The following TSNARE1 variants were observed in gnomAD, a reference collection of about 807,000 sequenced individuals.
TSNARE1 encodes the protein t-SNARE domain-containing protein 1.
In TSNARE1, 49 loss-of-function variants were observed where a neutral mutation model predicts 62.0. The ratio of observed to expected loss-of-function variants is 0.79; its 90% confidence interval spans 0.63 to 1.00. The LOEUF (loss-of-function observed/expected upper bound fraction) is 1.00. Ranked by LOEUF, TSNARE1 falls within the 50% of genes least tolerant of loss-of-function variation. TSNARE1 has a pLI of 0.00. For synonymous variants in TSNARE1, 328 were observed against 294.4 expected, an observed-to-expected ratio of 1.11 and a Z score of -1.17; for missense variants, 755 against 700.1, an observed-to-expected ratio of 1.08 and a Z score of -0.88.
chr8:142,313,414 CTGTG>C (rs376758279), intron 9 of TSNARE1, among the ~76,000 whole-genome samples: 2,907 of 147,748 alleles, frequency 0.02, 30 homozygotes, highest in East Asian at 0.041. Context: ...GTTTATGTGT[CTGTG>C]TGTTTATCTG....
At chr8:142,363,985 T>C (rs1835348994) in intron 1 of TSNARE1, among the ~76,000 whole-genome samples, 1 of 151,954 alleles carries the variant, frequency 6.6e-6, no homozygotes, top group African/African-American at 2.4e-5. Flanking sequence ...GGAAGAAGAG[T>C]CACCTGTACC....
chr8:142,290,320 C>T (rs918494637), intron 10 of TSNARE1, among the ~76,000 whole-genome samples: 1 of 152,188 alleles, frequency 6.6e-6, no homozygotes, highest in Non-Finnish European at 1.5e-5. Context: ...CCTGGCACGG[C>T]AGCCAGAGGG....
At chr8:142,274,037 G>T (rs574296487) in intron 12 of TSNARE1, 2 of 985,236 alleles carry the variant, frequency 2.0e-6, no homozygotes, top group South Asian at 9.4e-5. Flanking sequence ...TGGCCCAGGG[G>T]CTTCTTCTGC....
At chr8:142,402,561 G>A (rs1838373592) in intron 1 of TSNARE1, among the ~76,000 whole-genome samples, 1 of 152,256 alleles carries the variant, frequency 6.6e-6, no homozygotes. Flanking sequence ...GGATGTCGCA[G>A]GCCCCAGTAC....
chr8:142,323,335 A>G (rs1586801646), intron 6 of TSNARE1, among the ~76,000 whole-genome samples: 1 of 152,254 alleles, frequency 6.6e-6, no homozygotes, highest in African/African-American at 2.4e-5. Flanking sequence ...CAGCACCAGC[A>G]TGGCTGGCTG....
intron 12 of TSNARE1, among the ~76,000 whole-genome samples, chr8:142,265,124 T>TTGTGTGTGTGTGTG (rs35377443): frequency 0.28 from 42,425 of 151,020 alleles, 7,213 homozygotes; most frequent in Non-Finnish European, 0.38. Context: ...TCTACTCAGT[T>TTGTGTGTGTGTGTG]TGTGTGTGTG....
intron 1 of TSNARE1, among the ~76,000 whole-genome samples, chr8:142,397,961 C>T (rs966017564): frequency 5.9e-5 from 9 of 152,126 alleles, no homozygotes; most frequent in African/African-American, 1.2e-4. Context: ...GCCTGGGCCC[C>T]GGGTTCCCTG....
chr8:142,404,848 C>T (rs946107416), upstream of TSNARE1: 4 of 152,332 alleles, frequency 2.6e-5, no homozygotes, highest in African/African-American at 9.6e-5. Flanking sequence ...TGTCTGGCCG[C>T]CACCTCACTC....
intron 12 of TSNARE1, among the ~76,000 whole-genome samples, chr8:142,230,242 T>C (rs1586794816): frequency 6.6e-6 from 1 of 151,478 alleles, no homozygotes; most frequent in Admixed American, 6.6e-5. Flanking sequence ...GACCAGGGGG[T>C]GAGAGGCAAG....
At chr8:142,364,128 T>C (rs1169291383) in intron 1 of TSNARE1, among the ~76,000 whole-genome samples, 1 of 152,204 alleles carries the variant, frequency 6.6e-6, no homozygotes, top group African/African-American at 2.4e-5. Flanking sequence ...CTGCAGTGCC[T>C]TCTACCTGCC....
intron 1 of TSNARE1, among the ~76,000 whole-genome samples, chr8:142,358,319 T>G (rs1042917918): frequency 6.6e-6 from 1 of 151,464 alleles, no homozygotes; most frequent in African/African-American, 2.4e-5. Context: ...GGCGGCAGGG[T>G]CTGCTAGGTT....
At chr8:142,323,221 A>G (rs2131821664) in intron 6 of TSNARE1, among the ~76,000 whole-genome samples, 1 of 152,366 alleles carries the variant, frequency 6.6e-6, no homozygotes, top group Admixed American at 6.5e-5. Context: ...AAATTATAGA[A>G]AGCTTTTTTT....
intron 13 of TSNARE1, among the ~76,000 whole-genome samples, chr8:142,215,832 G>A (rs1563749071): frequency 6.6e-6 from 1 of 152,218 alleles, no homozygotes; most frequent in Non-Finnish European, 1.5e-5. Context: ...TCAGCATCTA[G>A]TGCAGGCCAC....
At chr8:142,282,751 AGGCGGGGTCAGTGTCTGCCAAT>A (rs1821817042) in intron 11 of TSNARE1, among the ~76,000 whole-genome samples, 3 of 146,430 alleles carry the variant, frequency 2.0e-5, no homozygotes, top group South Asian at 2.2e-4. Context: ...CTAAGGGCAA[AGGCGGGGTCAGTGTCTGCCAAT>A]GAGCAGAGGC....
chr8:142,298,268 G>A (rs909264183), intron 10 of TSNARE1, among the ~76,000 whole-genome samples: 7 of 152,246 alleles, frequency 4.6e-5, no homozygotes, highest in African/African-American at 1.4e-4. Context: ...GGGAAAGGCC[G>A]CTGCTCAGCC....
Position 142,243,712 on chromosome 8 carries a change from T to C in TSNARE1, c.1447-14133A>G, listed in dbSNP as rs1351397582. Reference sequence around the variant, plus strand: ...GCATGGTAACTCTAGTGAATAATAATGTATAGTAGACTTAAACATTGCTAA... The same window carrying C: ...GCATGGTAACTCTAGTGAATAATAACGTATAGTAGACTTAAACATTGCTAA... On this transcript the variant is annotated intron_variant, in intron 12 of 13. Transcript: ENST00000524325. 2.0e-5 allele frequency among the ~76,000 whole-genome samples: 3 copies of C among 152,184 alleles called. 1 individual carries two copies. Among genetic ancestry groups the C allele is most frequent in the South Asian group, 4.1e-4 (2 of 4,830 alleles).
At chr8:142,300,241 T>C (rs2131304088) in intron 10 of TSNARE1, 2 of 450,814 alleles carry the variant, frequency 4.4e-6, no homozygotes, top group South Asian at 9.0e-5. Flanking sequence ...GCCAGAGGGC[T>C]GTGCCCTATT....
At chr8:142,362,806 C>G (rs1474793769) in intron 1 of TSNARE1, among the ~76,000 whole-genome samples, 1 of 152,208 alleles carries the variant, frequency 6.6e-6, no homozygotes, top group Non-Finnish European at 1.5e-5. Flanking sequence ...AGCTGGATCT[C>G]TCTCTAGCCT....
chr8:142,275,441 T>A, intron 11 of TSNARE1: 1 of 985,154 alleles, frequency 1.0e-6, no homozygotes. Context: ...GCTGCAGCAG[T>A]GCCACCCAGG....
Sources: allele counts gnomAD v4.1 joint callset (sites outside exome capture counted in the v4.1 genomes callset), GRCh38; gene constraint gnomAD v4.1.1; transcripts MANE v1.5; gene names NCBI Gene and HGNC (gene_info 2026-07-23, HGNC 2026-07-21).